MED15: variants seen among roughly 807,000 people sequenced by gnomAD.
MED15 encodes the protein mediator complex subunit 15, also known as mediator of RNA polymerase II transcription subunit 15.
MED15 carries 41 observed loss-of-function variants against 118.7 expected under a neutral mutation model. The ratio of observed to expected loss-of-function variants is 0.35; its 90% CI spans 0.27 to 0.45. MED15 has a LOEUF of 0.45. Ranked by LOEUF, MED15 falls within the 20% of genes least tolerant of loss-of-function variation. The pLI is 1.00. For missense variants in MED15, 740 were observed against 1,025.5 expected (o/e 0.72, Z 3.80); for synonymous variants, 436 against 413.9 (o/e 1.05, Z -0.65).
chr22:20,556,829 C>G (rs1353453765), intron 5 of MED15, among the ~76,000 whole-genome samples: 4 of 152,132 alleles, frequency 2.6e-5, no homozygotes, highest in Non-Finnish European at 5.9e-5. Flanking sequence ...AGTTCTGTCC[C>G]TTTGTGAATG....
At chr22:20,514,946 A>G (rs2054198824) in intron 1 of MED15, among the ~76,000 whole-genome samples, 1 of 152,150 alleles carries the variant, frequency 6.6e-6, no homozygotes, top group Admixed American at 6.5e-5. Context: ...TGTCACATAA[A>G]TGGCTGCACT....
intron 1 of MED15, among the ~76,000 whole-genome samples, chr22:20,512,092 G>A (rs1176900425): frequency 2.0e-5 from 3 of 148,452 alleles, no homozygotes; most frequent in East Asian, 2.0e-4. Flanking sequence ...AGGGTCAAAC[G>A]ATCCTCCCAC....
intron 8 of MED15, among the ~76,000 whole-genome samples, chr22:20,571,488 A>G (rs1238264867): frequency 6.6e-6 from 1 of 152,238 alleles, no homozygotes; most frequent in Non-Finnish European, 1.5e-5. Context: ...GTAGTTTCTC[A>G]AAGTCCAGCA....
At position 20,584,887 on chromosome 22, in the gene MED15, C is replaced by T. The variant is rs749203171; in HGVS notation, c.1836C>T (p.Thr612=). The T allele has an allele frequency of 2.5e-6, 4 of 1,613,620 alleles. No individual in the cohort carries two copies. The South Asian group carries it at 3.3e-5, about 13-fold the overall frequency. Residue 612 remains threonine (T), a synonymous_variant, in exon 15 of 18, where the codon ACC becomes ACT. Transcript: ENST00000263205. ...CCCCACCGCCCCCGGTGCCACCGACCAAACAGCAGTACCTATGCCAGCCGC... is the reference window on the plus strand; with the variant it reads ...CCCCACCGCCCCCGGTGCCACCGACTAAACAGCAGTACCTATGCCAGCCGC... The part of the protein sequence containing the change: ...PTPPPPPVPP[T]KQQYLCQPLL...
In MED15 at chr22:20,584,720, T is replaced by C. The variant is rs188084326; in HGVS notation, c.1804-135T>C. ...TTATTCCCAGGATCAGCCAACATTG[T>C]CTGCACAAGGGTGGAGGCTGTGAGA... is the stretch of plus-strand genomic sequence containing the variant. On this transcript the variant is annotated intron_variant, in intron 14 of 17. Coordinates refer to ENST00000263205, the MANE Select transcript of MED15 (RefSeq NM_001003891.3). The C allele has an allele frequency of 1.0e-4, 119 of 1,140,034 alleles. No individual in the cohort carries two copies. The African/African-American group carries it at 1.5e-3, about 15-fold the overall frequency. The allele number at this position is 1,140,034 out of a possible 1,614,324, so 70.6% of individuals were successfully genotyped here. A position where few individuals can be genotyped will look rare whatever the true frequency, so the allele number is the denominator to read the frequency against.
chr22:20,534,229 GT>G, intron 1 of MED15, among the ~76,000 whole-genome samples: 1 of 152,110 alleles, frequency 6.6e-6, no homozygotes, highest in Non-Finnish European at 1.5e-5. Flanking sequence ...CTCCCCTGCT[GT>G]TTCTACTGCT....
At chr22:20,523,691 G>A (rs1015615439) in intron 1 of MED15, 4 of 985,282 alleles carry the variant, frequency 4.1e-6, no homozygotes, top group East Asian at 2.3e-4. Context: ...AGACCTAGGG[G>A]AGCCCCAGGC....
At chr22:20,514,096 G>A (rs1266113347) in intron 1 of MED15, among the ~76,000 whole-genome samples, 1 of 152,002 alleles carries the variant, frequency 6.6e-6, no homozygotes, top group Non-Finnish European at 1.5e-5. Flanking sequence ...GATCTCCTGG[G>A]CTCAAGTGAT....
chr22:20,564,431 G>A lies in MED15; in HGVS notation c.452-19G>A, dbSNP rs777718842. 9.9e-6 allele frequency: 16 copies of A among 1,613,138 alleles called. No homozygotes were observed. Among genetic ancestry groups the A allele is most frequent in the East Asian group, 8.9e-5 (4 of 44,866 alleles). On this transcript the variant is annotated intron_variant, in intron 5 of 17. Transcript: ENST00000263205. ...GAATCTGCCCTGTGGACTGACTGGC[G>A]ACTCTGGTCTTTTCTCAGCCCAGCT...
intron 1 of MED15, chr22:20,518,921 T>C (rs778955989): frequency 8.9e-6 from 4 of 449,500 alleles, no homozygotes; most frequent in Non-Finnish European, 1.8e-5. Context: ...GGCGTGATTG[T>C]GGCTCACTGC....
At position 20,582,823 on chromosome 22, in the gene MED15, C is replaced by T. The variant is rs769335608; in HGVS notation, c.1410-17C>T. 3.1e-6 allele frequency: 5 copies of T among 1,609,118 alleles called. No individual in the cohort carries two copies. In the South Asian group the frequency reaches 5.5e-5, roughly 18 times the overall value. Reference sequence around the variant, plus strand: ...TGCCTGGACCCCGGCTCACATGTTTCTCTCACTTGGCTGCAGCTCTGGCCC... The same window carrying T: ...TGCCTGGACCCCGGCTCACATGTTTTTCTCACTTGGCTGCAGCTCTGGCCC... On this transcript the variant is annotated splice_polypyrimidine_tract_variant and intron_variant, in intron 10 of 17. Coordinates refer to ENST00000263205, the MANE Select transcript of MED15 (RefSeq NM_001003891.3).
chr22:20,522,065 C>A (rs1052386909), intron 1 of MED15: 5 of 152,146 alleles, frequency 3.3e-5, no homozygotes, highest in Non-Finnish European at 5.9e-5. Flanking sequence ...CCATGGAGGA[C>A]TCTGTTCCAG....
chr22:20,517,690 G>T (rs1379976324), intron 1 of MED15, among the ~76,000 whole-genome samples: 2 of 152,124 alleles, frequency 1.3e-5, no homozygotes, highest in African/African-American at 4.8e-5. Context: ...GGGATTCCTA[G>T]ATCTGTCCAG....
chr22:20,564,131 G>A (rs537270723), intron 5 of MED15, among the ~76,000 whole-genome samples: 1 of 152,326 alleles, frequency 6.6e-6, no homozygotes, highest in Non-Finnish European at 1.5e-5. Flanking sequence ...CAAAGAGTCC[G>A]GAAGTGGCCA....
chr22:20,580,860 C>T (rs984028226), intron 9 of MED15, among the ~76,000 whole-genome samples: 4 of 152,226 alleles, frequency 2.6e-5, no homozygotes, highest in South Asian at 4.1e-4. Context: ...CATCAGTCCC[C>T]GTTTCTGACC....
At chr22:20,570,709 C>T (rs2056617179) in intron 8 of MED15, among the ~76,000 whole-genome samples, 1 of 139,372 alleles carries the variant, frequency 7.2e-6, no homozygotes, top group African/African-American at 2.7e-5. Context: ...CTCTTCTCTT[C>T]TCTTTTTTCT....
intron 1 of MED15, among the ~76,000 whole-genome samples, chr22:20,524,610 T>G (rs1049331360): frequency 6.6e-6 from 1 of 151,352 alleles, no homozygotes; most frequent in Admixed American, 6.6e-5. Context: ...ATGTGGCAGG[T>G]TTTTTTTGTT....
At chr22:20,521,086 C>CTGT in intron 1 of MED15, among the ~76,000 whole-genome samples, 1 of 100,712 alleles carries the variant, frequency 9.9e-6, no homozygotes, top group East Asian at 3.8e-4. Flanking sequence ...AGCAGTTGTT[C>CTGT]TATTTTTTTT....
chr22:20,582,438 G>A (rs1030442457), intron 9 of MED15, 173 bp from the exon 10 acceptor site: 15 of 1,072,082 alleles, frequency 1.4e-5, no homozygotes, highest in Non-Finnish European at 1.7e-5. Flanking sequence ...CTCATGCTGT[G>A]TGCCAGGCTG....
Sources: allele counts gnomAD v4.1 joint callset (sites outside exome capture counted in the v4.1 genomes callset), GRCh38; gene constraint gnomAD v4.1.1; transcripts MANE v1.5; gene names NCBI Gene and HGNC (gene_info 2026-07-23, HGNC 2026-07-21).